XIRP2: variants seen among roughly 807,000 people sequenced by gnomAD.
XIRP2 encodes xin actin binding repeat containing 2, also known as xin actin-binding repeat-containing protein 2.
In XIRP2, 236 loss-of-function variants were observed where a neutral mutation model predicts 277.0. That is an observed-to-expected ratio of 0.85 (90% CI 0.77 to 0.95). The LOEUF is 0.95. XIRP2 is among the 40% of genes least tolerant of loss of function. The pLI is 0.00. For synonymous variants in XIRP2, 1,490 were observed against 1,416.5 expected (o/e 1.05, Z -1.17); for missense variants, 4,640 against 4,157.5 (o/e 1.12, Z -3.19).
chr2:167,239,993 A>C, intron 6 of XIRP2, 28 bp downstream of exon 6: 1 of 1,567,582 alleles, frequency 6.4e-7, no homozygotes, highest in Non-Finnish European at 8.6e-7. Flanking sequence ...CAGTACTTTC[A>C]AACAGTTTCC....
chr2:166,954,483 G>A (rs923874071), intron 2 of XIRP2, among the ~76,000 whole-genome samples: 4 of 151,972 alleles, frequency 2.6e-5, no homozygotes, highest in African/African-American at 4.8e-5. Flanking sequence ...ATGTAAATTC[G>A]TTCAACCATT....
chr2:166,941,697 G>A (rs1424874390), intron 2 of XIRP2, among the ~76,000 whole-genome samples: 6 of 152,052 alleles, frequency 3.9e-5, no homozygotes, highest in African/African-American at 1.4e-4. Flanking sequence ...GATTTTTTCA[G>A]AAGTTTCTAC....
At chr2:167,128,887 T>C (rs1691293482) in intron 2 of XIRP2, among the ~76,000 whole-genome samples, 1 of 152,162 alleles carries the variant, frequency 6.6e-6, no homozygotes, top group Non-Finnish European at 1.5e-5. Flanking sequence ...TTTGTAGTTA[T>C]GGTGCCTAAA....
At chr2:167,000,758 T>C (rs775418341) in intron 2 of XIRP2, among the ~76,000 whole-genome samples, 11 of 152,158 alleles carry the variant, frequency 7.2e-5, no homozygotes, top group Non-Finnish European at 1.3e-4. Flanking sequence ...TGTTTCAAAT[T>C]TGGACATTGG....
At chr2:166,917,789 C>G (rs1684929227) in intron 2 of XIRP2, among the ~76,000 whole-genome samples, 1 of 152,172 alleles carries the variant, frequency 6.6e-6, no homozygotes, top group South Asian at 2.1e-4. Flanking sequence ...ACTAGCTCTA[C>G]TGCCCCTGTT....
intron 3 of XIRP2, among the ~76,000 whole-genome samples, chr2:167,152,266 A>G (rs73017968): frequency 0.099 from 15,138 of 152,144 alleles, 816 homozygotes; most frequent in South Asian, 0.16. Context: ...ATACCAAAAG[A>G]AGAACAGCAT....
At chr2:166,936,650 A>C (rs185689414) in intron 2 of XIRP2, among the ~76,000 whole-genome samples, 64 of 152,230 alleles carry the variant, frequency 4.2e-4, no homozygotes, top group Admixed American at 2.6e-3. Flanking sequence ...GTTGTCCCAG[A>C]ACCATTTATT....
intron 2 of XIRP2, among the ~76,000 whole-genome samples, chr2:167,078,504 A>G (rs1400779242): frequency 1.4e-4 from 22 of 151,942 alleles, no homozygotes. Context: ...TTCCAGTACT[A>G]TTAGGTTGGT....
chr2:166,914,145 G>C (rs982171626), intron 2 of XIRP2, among the ~76,000 whole-genome samples: 1 of 152,194 alleles, frequency 6.6e-6, no homozygotes, highest in Non-Finnish European at 1.5e-5. Context: ...AGTCGGAGGA[G>C]TTATGATGAA....
At chr2:167,207,931 G>A (rs1323626334) in intron 3 of XIRP2, among the ~76,000 whole-genome samples, 1 of 151,864 alleles carries the variant, frequency 6.6e-6, no homozygotes, top group East Asian at 1.9e-4. Flanking sequence ...TCTGCTTTGT[G>A]GGATGTATTT....
At chr2:167,099,700 G>T (rs1690436299) in intron 2 of XIRP2, among the ~76,000 whole-genome samples, 1 of 152,096 alleles carries the variant, frequency 6.6e-6, no homozygotes, top group African/African-American at 2.4e-5. Context: ...CATAGTATCT[G>T]GGCTGGATAG....
At chr2:167,181,241 C>T (rs61203948) in intron 3 of XIRP2, among the ~76,000 whole-genome samples, 8,135 of 152,202 alleles carry the variant, frequency 0.053, 357 homozygotes, top group African/African-American at 0.12. Context: ...GTGAGCCCAC[C>T]TAGTTTTGGT....
chr2:167,011,723 G>C (rs1438319185), intron 2 of XIRP2, among the ~76,000 whole-genome samples: 1 of 151,628 alleles, frequency 6.6e-6, no homozygotes, highest in African/African-American at 2.4e-5. Flanking sequence ...TGGTTGGTAA[G>C]CTATTGATTA....
chr2:167,025,107 T>C (rs1397106495), intron 2 of XIRP2, among the ~76,000 whole-genome samples: 1 of 152,124 alleles, frequency 6.6e-6, no homozygotes, highest in African/African-American at 2.4e-5. Flanking sequence ...GTTGGTAAGC[T>C]ATTGATTATT....
At chr2:167,166,545 A>G (rs992337245) in intron 3 of XIRP2, among the ~76,000 whole-genome samples, 8 of 152,160 alleles carry the variant, frequency 5.3e-5, no homozygotes. Context: ...TAATTTATAA[A>G]GAAAAGTGGT....
chr2:166,930,784 C>T (rs1391953275), intron 2 of XIRP2, among the ~76,000 whole-genome samples: 1 of 152,038 alleles, frequency 6.6e-6, no homozygotes, highest in African/African-American at 2.4e-5. Context: ...TCTTTTCTTC[C>T]ACTCTAGACT....
At chr2:166,891,599 C>T (rs1239267745) in intron 1 of XIRP2, among the ~76,000 whole-genome samples, 1 of 152,050 alleles carries the variant, frequency 6.6e-6, no homozygotes, top group Non-Finnish European at 1.5e-5. Flanking sequence ...TCTGCCAAAA[C>T]TAATTAAAAT....
intron 2 of XIRP2, among the ~76,000 whole-genome samples, chr2:167,082,256 C>G (rs1158219515): frequency 5.3e-5 from 8 of 152,122 alleles, no homozygotes; most frequent in Non-Finnish European, 1.0e-4. Flanking sequence ...TCATCCATGT[C>G]CCTACAAAGG....
intron 3 of XIRP2, among the ~76,000 whole-genome samples, chr2:167,137,553 C>T (rs1198646181): frequency 6.6e-6 from 1 of 152,164 alleles, no homozygotes; most frequent in African/African-American, 2.4e-5. Flanking sequence ...CTCCACTCAT[C>T]ACATCTTACT....
Sources: gnomAD v4.1 joint callset for allele counts (sites outside exome capture counted in the v4.1 genomes callset) on GRCh38, gnomAD v4.1.1 for gene constraint, MANE v1.5 for transcripts, NCBI Gene and HGNC (gene_info 2026-07-23, HGNC 2026-07-21) for gene names.